CCDC179: variants seen among roughly 807,000 people sequenced by gnomAD.
The protein encoded by CCDC179 is coiled-coil domain-containing protein 179.
A neutral mutation model predicts 12.0 loss-of-function variants in CCDC179; 17 were observed. That is an observed-to-expected ratio of 1.42 (90% confidence interval 0.97 to 2.13). The LOEUF (loss-of-function observed/expected upper bound fraction) is 2.13. Ranked by LOEUF, CCDC179 falls within the 30% of genes most tolerant of loss-of-function variation. The pLI, the probability that CCDC179 is intolerant of heterozygous loss-of-function variation, is 0.00. For synonymous variants in CCDC179, 27 were observed against 26.4 expected, an observed-to-expected ratio of 1.02 and a Z score of -0.07; for missense variants, 83 against 78.6, an observed-to-expected ratio of 1.06 and a Z score of -0.21.
intron 2 of CCDC179, among the ~76,000 whole-genome samples, chr11:22,858,642 T>G (rs1858587668): frequency 6.6e-6 from 1 of 152,082 alleles, no homozygotes; most frequent in South Asian, 2.1e-4. Context: ...CTTGAACAAT[T>G]GCTTTGAAAA....
chr11:22,854,133 C>T (rs900678333), intron 3 of CCDC179, among the ~76,000 whole-genome samples: 3 of 151,750 alleles, frequency 2.0e-5, no homozygotes, highest in African/African-American at 7.2e-5. Context: ...GAACAAAAGA[C>T]TTCTTCAGAC....
intron 3 of CCDC179, among the ~76,000 whole-genome samples, chr11:22,850,972 ATATATTTTTTT>A (rs1380266451): frequency 6.1e-4 from 4 of 6,518 alleles, no homozygotes; most frequent in African/African-American, 1.1e-3. Flanking sequence ...ATATATATAT[ATATATTTTTTT>A]TTTTTTTTTT....
In CCDC179 at chr11:22,848,368, C is replaced by T. The variant is rs541809370; in HGVS notation, c.196-847G>A. On this transcript the variant is annotated intron_variant, in intron 3 of 3. Coordinates refer to ENST00000532798, the MANE Select transcript of CCDC179 (RefSeq NM_001195637.2). The stretch of plus-strand genomic sequence containing the variant: ...CCGAGGCAGGAGAATTGCTTGAGCC[C>T]GGGAGGCGGAGGTTGCAGTGAGCAG... 1.0e-3 allele frequency among the ~76,000 whole-genome samples: 158 copies of T among 151,926 alleles called. 1 individual carries two copies. Among genetic ancestry groups the T allele is most frequent in the African/African-American group, 3.5e-3 (144 of 41,426 alleles).
chr11:22,856,547 C>T (rs1401128994), intron 3 of CCDC179, among the ~76,000 whole-genome samples: 1 of 151,444 alleles, frequency 6.6e-6, no homozygotes, highest in African/African-American at 2.4e-5. Context: ...ACCTAAACCT[C>T]ACATTATAGT....
At chr11:22,850,749 A>G (rs565148009) in intron 3 of CCDC179, among the ~76,000 whole-genome samples, 1 of 151,672 alleles carries the variant, frequency 6.6e-6, no homozygotes, top group Non-Finnish European at 1.5e-5. Context: ...GAAATGACAA[A>G]GGGATAGAAA....
chr11:22,852,187 C>G (rs1858421266), intron 3 of CCDC179, among the ~76,000 whole-genome samples: 1 of 152,170 alleles, frequency 6.6e-6, no homozygotes, highest in African/African-American at 2.4e-5. Flanking sequence ...ACTGCTCTTG[C>G]AGTGAAAAAT....
chr11:22,858,056 C>A, intron 2 of CCDC179, 30 bp from the exon 3 acceptor site: 1 of 1,383,028 alleles, frequency 7.2e-7, no homozygotes, highest in South Asian at 1.4e-5. Context: ...AAAGAAAAAT[C>A]ATACTTTTTT....
At chr11:22,850,818 G>A (rs1421821587) in intron 3 of CCDC179, among the ~76,000 whole-genome samples, 1 of 150,498 alleles carries the variant, frequency 6.6e-6, no homozygotes, top group Non-Finnish European at 1.5e-5. Flanking sequence ...AGAAATGGTG[G>A]CAATTGTCTT....
rs528360897 is a variant in CCDC179, at chr11:22,850,074, G to A, written c.196-2553C>T. ...GGCCACCTCACTCTAATCTTCTTAT[G>A]CAGATGAACTTACCCCTTGGCCATT... On this transcript the variant is annotated intron_variant, in intron 3 of 3. Coordinates refer to ENST00000532798, the MANE Select transcript of CCDC179 (RefSeq NM_001195637.2). Among the ~76,000 whole-genome samples the A allele has an allele frequency of 3.0e-3, 459 of 152,266 alleles. 2 individuals are homozygous for A. Among genetic ancestry groups the A allele is most frequent in the African/African-American group, 0.011 (441 of 41,542 alleles).
At chr11:22,847,565 A>T (rs1858253202) in intron 3 of CCDC179, 44 bp from the exon 4 acceptor site, 4 of 1,095,036 alleles carry the variant, frequency 3.7e-6, no homozygotes, top group Non-Finnish European at 3.8e-6. Flanking sequence ...ATTTAATTAA[A>T]ATTTATATAA....
rs144809720 is a variant in CCDC179, at chr11:22,857,277, C to A, written c.195+645G>T. Among the ~76,000 whole-genome samples the A allele has an allele frequency of 1.3e-4, 20 of 151,692 alleles. No homozygotes were observed. In the East Asian group the frequency reaches 3.3e-3, roughly 25 times the overall value. Reference sequence around the variant, plus strand: ...CCTGATTTCTAGACTTATTGTAAATCTATAGTTTTCGAGACAGTATGGTAT... The same window carrying A: ...CCTGATTTCTAGACTTATTGTAAATATATAGTTTTCGAGACAGTATGGTAT... On this transcript the variant is annotated intron_variant, in intron 3 of 3. Coordinates refer to ENST00000532798, the MANE Select transcript of CCDC179 (RefSeq NM_001195637.2).
rs1288170440 is a variant in CCDC179 at position 22,858,798 on chromosome 11, AG to A, written c.90+653del. Among the ~76,000 whole-genome samples, 5 of 152,216 alleles carry A rather than the reference AG, an allele frequency of 3.3e-5. No individual in the cohort carries two copies. The South Asian group carries it at 8.3e-4, about 25-fold the overall frequency. On this transcript the variant is annotated intron_variant, in intron 2 of 3. Coordinates refer to ENST00000532798, the MANE Select transcript of CCDC179 (RefSeq NM_001195637.2). ...TGTTTGCAATAGTACTATTCATTTT[AG>A]GAAAATGTAAAAATAACACAATGTC...
At chr11:22,851,987 T>C (rs1369428721) in intron 3 of CCDC179, among the ~76,000 whole-genome samples, 1 of 152,150 alleles carries the variant, frequency 6.6e-6, no homozygotes, top group African/African-American at 2.4e-5. Context: ...GAGCTCTCCG[T>C]TCTCTTTACC....
chr11:22,858,175 A>C (rs1289152018), intron 2 of CCDC179, 149 bp from the exon 3 acceptor site: 6 of 510,732 alleles, frequency 1.2e-5, no homozygotes, highest in Non-Finnish European at 2.1e-5. Flanking sequence ...TAGGGCGAAA[A>C]ATCTCTTTCA....
intron 2 of CCDC179, 95 bp from the exon 3 acceptor site, chr11:22,858,121 G>A (rs1475810601): frequency 4.5e-6 from 3 of 661,608 alleles, no homozygotes; most frequent in African/African-American, 1.9e-5. Flanking sequence ...CAATAAAAAA[G>A]GTAAACACCA....
intron 3 of CCDC179, among the ~76,000 whole-genome samples, chr11:22,855,080 A>G (rs756714187): frequency 6.6e-6 from 1 of 151,738 alleles, no homozygotes; most frequent in East Asian, 1.9e-4. Context: ...TAAAAGTGCA[A>G]GAAGAAATAG....
chr11:22,847,644 A>G (rs1398661622), intron 3 of CCDC179, 123 bp from the exon 4 acceptor site: 1 of 443,312 alleles, frequency 2.3e-6, no homozygotes, highest in African/African-American at 2.0e-5. Flanking sequence ...TACAAGAAGT[A>G]TTATAAAAAA....
chr11:22,856,121 T>G (rs1274531335), intron 3 of CCDC179, among the ~76,000 whole-genome samples: 1 of 151,498 alleles, frequency 6.6e-6, no homozygotes, highest in Admixed American at 6.6e-5. Flanking sequence ...TTCTTTACAA[T>G]ATCTTGCAGA....
chr11:22,858,368 C>T (rs899383704), intron 2 of CCDC179, among the ~76,000 whole-genome samples: 9 of 151,930 alleles, frequency 5.9e-5, no homozygotes, highest in Admixed American at 3.9e-4. Context: ...GGAATTTTCT[C>T]TATAGAAATA....
Sources: gnomAD v4.1 joint callset for allele counts (sites outside exome capture counted in the v4.1 genomes callset) on GRCh38, gnomAD v4.1.1 for gene constraint, MANE v1.5 for transcripts, NCBI Gene and HGNC (gene_info 2026-07-23, HGNC 2026-07-21) for gene names.